The following OCM variants were observed in gnomAD, a reference collection of about 807,000 sequenced individuals.
OCM encodes the protein oncomodulin, also known as oncomodulin-1.
Under a neutral mutation model 14.1 loss-of-function variants are expected in OCM, and 18 were observed. The ratio of observed to expected loss-of-function variants is 1.28; its 90% CI spans 0.88 to 1.89. The LOEUF (loss-of-function observed/expected upper bound fraction) is 1.89, where lower values mean the gene tolerates loss of function less well. Ranked by LOEUF, OCM falls within the 40% of genes most tolerant of loss-of-function variation. The pLI, the probability that OCM is intolerant of heterozygous loss-of-function variation, is 0.00. For synonymous variants in OCM, 48 were observed against 51.0 expected (o/e 0.94, Z 0.25); for missense variants, 140 against 137.6 (o/e 1.02, Z -0.09).
chr7:5,860,818 A>G, the OCM span, among the ~76,000 whole-genome samples: 3 of 146,456 alleles, frequency 2.0e-5, no homozygotes, highest in East Asian at 2.0e-4. Context: ...ACACACATAC[A>G]TATATATACA....
chr7:5,861,138 C>G, the OCM span, among the ~76,000 whole-genome samples: 5 of 151,884 alleles, frequency 3.3e-5, no homozygotes, highest in Admixed American at 2.6e-4. Flanking sequence ...CAGTTCTGGC[C>G]GAGTGCAGTG....
upstream of OCM, among the ~76,000 whole-genome samples, chr7:5,876,769 T>C (rs1781103743): frequency 6.6e-6 from 1 of 151,996 alleles, no homozygotes; most frequent in African/African-American, 2.4e-5. Context: ...GGAAAGAGTC[T>C]GAGGTCCTGC....
At chr7:5,860,314 T>C in the OCM span, among the ~76,000 whole-genome samples, 18 of 140,838 alleles carry the variant, frequency 1.3e-4, no homozygotes, top group African/African-American at 4.5e-4. Flanking sequence ...ATTTCACACA[T>C]GCCTAAGCAG....
upstream of OCM, chr7:5,880,681 C>T (rs1781192447): frequency 4.0e-6 from 2 of 496,526 alleles, no homozygotes; most frequent in Non-Finnish European, 3.6e-6. Flanking sequence ...ATCACTTGAG[C>T]CCAGGAGGCG....
the OCM span, among the ~76,000 whole-genome samples, chr7:5,867,170 C>T: frequency 6.6e-6 from 1 of 152,090 alleles, no homozygotes; most frequent in Non-Finnish European, 1.5e-5. Flanking sequence ...TTCCTCCTTG[C>T]CTTCTGGCCT....
intron 3 of OCM, 42 bp downstream of exon 3, chr7:5,884,041 G>A: frequency 1.2e-6 from 2 of 1,606,184 alleles, no homozygotes; most frequent in Non-Finnish European, 1.7e-6. Flanking sequence ...CTCTAGCTCA[G>A]GAAGCATCCG....
chr7:5,883,293 G>C (rs1479447853), intron 2 of OCM, among the ~76,000 whole-genome samples: 1 of 152,212 alleles, frequency 6.6e-6, no homozygotes. Flanking sequence ...AGAGGTTGCA[G>C]TGAGCCCAGA....
chr7:5,862,373 C>G, the OCM span, among the ~76,000 whole-genome samples: 5,535 of 152,132 alleles, frequency 0.036, 133 homozygotes, highest in Non-Finnish European at 0.053. Flanking sequence ...ACGTATCTTC[C>G]CAGATGGCTC....
chr7:5,860,649 A>G, the OCM span, among the ~76,000 whole-genome samples: 3 of 81,472 alleles, frequency 3.7e-5, 1 homozygote, highest in Non-Finnish European at 4.4e-5. Flanking sequence ...ATACGTGTGT[A>G]TATATATTAC....
At position 5,883,951 on chromosome 7, in the gene OCM, T is replaced by C. The variant is rs1781279913; in HGVS notation, c.256T>C (p.Leu86=). 2 of 1,613,574 alleles carry C rather than the reference T, an allele frequency of 1.2e-6. No homozygotes were observed. The highest frequency in any genetic ancestry group is 4.5e-5 in the East Asian group (2 of 44,870). The change falls in exon 3 of 4, where the codon TTG becomes CTG. Residue 86 remains leucine, a synonymous_variant. Coordinates refer to ENST00000242104, the MANE Select transcript of OCM (RefSeq NM_001097622.2). ...RELTESETKS[L]MAAADNDGDG... is the part of the protein sequence containing the mutation. ...ACTGACCGAGTCAGAAACCAAGTCC[T>C]TGATGGCTGCGGCGGATAATGATGG... is the stretch of plus-strand genomic sequence containing the variant.
intron 1 of OCM, among the ~76,000 whole-genome samples, chr7:5,881,954 G>T (rs754861501): frequency 3.3e-5 from 5 of 151,634 alleles, no homozygotes; most frequent in African/African-American, 4.8e-5. Flanking sequence ...GGGCATGGGG[G>T]TGCACACCTG....
chr7:5,866,009 A>G, the OCM span, among the ~76,000 whole-genome samples: 1 of 152,016 alleles, frequency 6.6e-6, no homozygotes, highest in Non-Finnish European at 1.5e-5. Flanking sequence ...TGAATAGCAT[A>G]GGTATTTGTA....
At chr7:5,880,618 G>C (rs1781191045), upstream of OCM, among the ~76,000 whole-genome samples, 1 of 152,058 alleles carries the variant, frequency 6.6e-6, no homozygotes, top group Non-Finnish European at 1.5e-5. Flanking sequence ...AATTAGCCAG[G>C]CATGGTAGTG....
chr7:5,873,883 G>A, the OCM span, among the ~76,000 whole-genome samples: 1 of 151,776 alleles, frequency 6.6e-6, no homozygotes, highest in Non-Finnish European at 1.5e-5. Flanking sequence ...ATGCATGATG[G>A]AAGGAGGATC....
the OCM span, among the ~76,000 whole-genome samples, chr7:5,861,642 C>G: frequency 6.6e-6 from 1 of 152,220 alleles, no homozygotes; most frequent in South Asian, 2.1e-4. Flanking sequence ...GGTTCCAGTT[C>G]CTCTCTCACC....
In OCM at chr7:5,882,645, T is replaced by C; in HGVS notation, c.194+20T>C. The C allele has an allele frequency of 6.2e-7, 1 of 1,613,742 alleles. No individual in the cohort carries two copies. Among genetic ancestry groups the C allele is most frequent in the Non-Finnish European group, 8.5e-7 (1 of 1,179,806 alleles). On this transcript the variant is annotated intron_variant, in intron 2 of 3. Transcript: ENST00000242104. ...GCTTAAGTAAGCTTTGTCCTGAGTC[T>C]GTCTGGTACCCGGCACTGCTGAGTG...
chr7:5,872,997 G>C, the OCM span, among the ~76,000 whole-genome samples: 2 of 152,150 alleles, frequency 1.3e-5, no homozygotes, highest in African/African-American at 4.8e-5. Context: ...GAGCCCAGGA[G>C]GTCAAGGCTG....
At chr7:5,862,825 T>G in the OCM span, among the ~76,000 whole-genome samples, 8 of 152,124 alleles carry the variant, frequency 5.3e-5, no homozygotes, top group Non-Finnish European at 1.2e-4. Flanking sequence ...TCTACTCTTT[T>G]CACATGTTTA....
upstream of OCM, among the ~76,000 whole-genome samples, chr7:5,876,805 CTTT>C (rs111241085): frequency 5.0e-5 from 7 of 140,334 alleles, no homozygotes; most frequent in Admixed American, 7.2e-5. Context: ...TTGTCTACTT[CTTT>C]TTTTTTTTTT....
Sources: allele counts gnomAD v4.1 joint callset (sites outside exome capture counted in the v4.1 genomes callset), GRCh38; gene constraint gnomAD v4.1.1; transcripts MANE v1.5; gene names NCBI Gene and HGNC (gene_info 2026-07-23, HGNC 2026-07-21).